The following STXBP5L variants were observed in gnomAD, a reference collection of about 807,000 sequenced individuals.
The protein encoded by STXBP5L is syntaxin binding protein 5L.
STXBP5L carries 65 observed loss-of-function variants against 144.5 expected under a neutral mutation model. The ratio of observed to expected loss-of-function variants is 0.45; its 90% CI spans 0.37 to 0.55. The LOEUF (loss-of-function observed/expected upper bound fraction) is 0.55, where lower values mean the gene tolerates loss of function less well. Ranked by LOEUF, STXBP5L falls within the 20% of genes least tolerant of loss-of-function variation. The pLI is 0.00. For synonymous variants in STXBP5L, 505 were observed against 469.6 expected (o/e 1.08, Z -0.97); for missense variants, 1,298 against 1,405.5 (o/e 0.92, Z 1.22).
chr3:120,977,399 AG>A (rs1415305390), intron 3 of STXBP5L, among the ~76,000 whole-genome samples: 1 of 152,054 alleles, frequency 6.6e-6, no homozygotes, highest in Non-Finnish European at 1.5e-5. Context: ...ATTTGCTTGT[AG>A]ATCTTCCTTC....
chr3:121,364,310 A>G (rs1265943893), intron 20 of STXBP5L, among the ~76,000 whole-genome samples: 3 of 152,154 alleles, frequency 2.0e-5, no homozygotes, highest in African/African-American at 4.8e-5. Flanking sequence ...CCAATAGTCT[A>G]TATGTCACTC....
intron 3 of STXBP5L, among the ~76,000 whole-genome samples, chr3:121,019,256 G>C (rs994796829): frequency 6.6e-6 from 1 of 152,118 alleles, no homozygotes; most frequent in Non-Finnish European, 1.5e-5. Context: ...GACATGCCTA[G>C]CCCTGCCCCT....
chr3:121,165,484 G>C (rs763449049), intron 9 of STXBP5L, among the ~76,000 whole-genome samples: 1 of 151,946 alleles, frequency 6.6e-6, no homozygotes, highest in African/African-American at 2.4e-5. Flanking sequence ...AATTTTATCC[G>C]TACCTTTGAT....
chr3:121,240,916 T>C (rs191137274), intron 14 of STXBP5L, among the ~76,000 whole-genome samples: 1 of 152,312 alleles, frequency 6.6e-6, no homozygotes, highest in Admixed American at 6.5e-5. Flanking sequence ...CACTCCTTTG[T>C]ATGACAACCC....
At chr3:121,016,825 A>C (rs1945180830) in intron 3 of STXBP5L, among the ~76,000 whole-genome samples, 1 of 152,222 alleles carries the variant, frequency 6.6e-6, no homozygotes, top group Non-Finnish European at 1.5e-5. Context: ...CACCAGGCCC[A>C]CATGTGTTTA....
rs1263188413 is a variant in STXBP5L, at chr3:121,424,597, C to T, written c.*5500C>T. On this transcript the variant is annotated 3_prime_UTR_variant, in exon 27 of 27. Transcript: ENST00000471454. ...ATGTTTTATTCTAGGAAATAAGAAA[C>T]AGATGACATCATTGATGTATCTTTC... The T allele has an allele frequency of 6.6e-6, 1 of 152,130 alleles. No homozygotes were observed. Among genetic ancestry groups the T allele is most frequent in the Non-Finnish European group, 1.5e-5 (1 of 68,010 alleles). The allele number at this position is 152,130 out of a possible 1,614,324, so 9.4% of individuals were successfully genotyped here.
At chr3:120,994,482 G>A (rs1280244568) in intron 3 of STXBP5L, among the ~76,000 whole-genome samples, 1 of 151,922 alleles carries the variant, frequency 6.6e-6, no homozygotes, top group Non-Finnish European at 1.5e-5. Context: ...AGTTTGTTGA[G>A]CATTTTTTAT....
At chr3:121,386,512 C>T (rs112730231) in intron 22 of STXBP5L, among the ~76,000 whole-genome samples, 19,217 of 152,138 alleles carry the variant, frequency 0.13, 1,353 homozygotes, top group Middle Eastern at 0.18. Flanking sequence ...ATCAACTCAT[C>T]ATTTACATTA....
chr3:121,082,535 A>G (rs1203392984), intron 5 of STXBP5L, among the ~76,000 whole-genome samples: 1 of 152,200 alleles, frequency 6.6e-6, no homozygotes, highest in Non-Finnish European at 1.5e-5. Context: ...GTCTGTACTA[A>G]TAAGGGCCAA....
intron 24 of STXBP5L, among the ~76,000 whole-genome samples, chr3:121,415,341 A>G (rs2047208515): frequency 6.6e-6 from 1 of 152,196 alleles, no homozygotes; most frequent in Admixed American, 6.6e-5. Context: ...AAATATTGAA[A>G]ACAAATGTAC....
chr3:121,343,308 A>T (rs1331775833), intron 20 of STXBP5L, among the ~76,000 whole-genome samples: 1 of 151,972 alleles, frequency 6.6e-6, no homozygotes, highest in Non-Finnish European at 1.5e-5. Flanking sequence ...GTTCACTCTG[A>T]TGGTAGTTTC....
At chr3:120,958,911 T>G (rs557842543) in intron 3 of STXBP5L, among the ~76,000 whole-genome samples, 4 of 152,094 alleles carry the variant, frequency 2.6e-5, no homozygotes, top group East Asian at 1.9e-4. Context: ...CCAGGGCAAT[T>G]AGGCAGGAGA....
At chr3:121,295,427 C>T (rs1699956) in intron 19 of STXBP5L, among the ~76,000 whole-genome samples, 94,979 of 151,872 alleles carry the variant, frequency 0.63, 29,880 homozygotes, top group East Asian at 0.8. Context: ...AGTAGTTTTT[C>T]CTCTTAAAAT....
Position 121,223,026 on chromosome 3 carries a change from G to A in STXBP5L, c.980G>A (p.Gly327Asp), listed in dbSNP as rs1331716017. The change falls in exon 11 of 27, where the codon GGT becomes GAT. Residue 327 changes from glycine (G) to aspartate (D), a missense_variant. Gly to Asp is a moderately conservative substitution (Grantham distance 94). Transcript: ENST00000471454. ...AGCGAACCATTCATAATATTCTCTGGTGGGCTGTCCTATGACAAAGCTTGT... is the reference window on the plus strand; with the variant it reads ...AGCGAACCATTCATAATATTCTCTGATGGGCTGTCCTATGACAAAGCTTGT... ...KNSEPFIIFS[G>D]GLSYDKACRR... 3 of 1,606,038 alleles carry A rather than the reference G, an allele frequency of 1.9e-6. No homozygotes were observed. Among genetic ancestry groups the A allele is most frequent in the Non-Finnish European group, 2.5e-6 (3 of 1,177,608 alleles).
chr3:121,092,130 ATC>A, intron 5 of STXBP5L, among the ~76,000 whole-genome samples: 1 of 152,068 alleles, frequency 6.6e-6, no homozygotes, highest in Middle Eastern at 3.4e-3. Context: ...ATTGGTCTAT[ATC>A]TCTGTTTTGG....
intron 3 of STXBP5L, among the ~76,000 whole-genome samples, chr3:120,975,398 C>G (rs917015993): frequency 7.2e-5 from 11 of 152,078 alleles, no homozygotes; most frequent in Non-Finnish European, 1.0e-4. Context: ...GATTTTGTAT[C>G]CTGAGACTTT....
At chr3:120,953,039 A>G (rs540727641) in intron 2 of STXBP5L, among the ~76,000 whole-genome samples, 1 of 151,822 alleles carries the variant, frequency 6.6e-6, no homozygotes, top group South Asian at 2.1e-4. Flanking sequence ...GGCTCAAGTG[A>G]TCCACCTGCC....
At chr3:121,095,794 T>C (rs994909547) in intron 5 of STXBP5L, among the ~76,000 whole-genome samples, 1 of 152,202 alleles carries the variant, frequency 6.6e-6, no homozygotes, top group African/African-American at 2.4e-5. Flanking sequence ...CTCGTCAAAG[T>C]CATTCTCCAT....
At chr3:121,411,228 G>A (rs2047107975) in intron 23 of STXBP5L, among the ~76,000 whole-genome samples, 1 of 152,068 alleles carries the variant, frequency 6.6e-6, no homozygotes, top group Non-Finnish European at 1.5e-5. Context: ...GTGGTTACTG[G>A]CTACCATATT....
Sources: gnomAD v4.1 joint callset for allele counts (sites outside exome capture counted in the v4.1 genomes callset) on GRCh38, gnomAD v4.1.1 for gene constraint, MANE v1.5 for transcripts, NCBI Gene and HGNC (gene_info 2026-07-23, HGNC 2026-07-21) for gene names.